Variants in FGF2 observed in about 807,000 individuals in gnomAD.
The protein encoded by FGF2 is fibroblast growth factor 2, also known as basic fibroblast growth factor bFGF.
FGF2 carries 13 observed loss-of-function variants against 15.9 expected under a neutral mutation model. The ratio of observed to expected loss-of-function variants is 0.82; its 90% CI spans 0.53 to 1.30. The LOEUF (loss-of-function observed/expected upper bound fraction) is 1.30. FGF2 is among the 50% of genes most tolerant of loss of function. The pLI, the probability that FGF2 is intolerant of heterozygous loss-of-function variation, is 0.00. For missense variants in FGF2, 163 were observed against 196.9 expected, an observed-to-expected ratio of 0.83 and a Z score of 1.03; for synonymous variants, 90 against 78.4, an observed-to-expected ratio of 1.15 and a Z score of -0.78.
At chr4:122,891,283 G>A (rs145822233) in intron 2 of FGF2, among the ~76,000 whole-genome samples, 2 of 151,694 alleles carry the variant, frequency 1.3e-5, no homozygotes, top group African/African-American at 2.4e-5. Flanking sequence ...CTCGTGATCC[G>A]CCCGTCTCGG....
chr4:122,829,916 C>T (rs1725725642), intron 1 of FGF2, among the ~76,000 whole-genome samples: 1 of 152,136 alleles, frequency 6.6e-6, no homozygotes, highest in East Asian at 1.9e-4. Flanking sequence ...GGAGACCCCC[C>T]AAAACAAATA....
intron 1 of FGF2, among the ~76,000 whole-genome samples, chr4:122,843,863 C>T (rs1726047123): frequency 6.6e-6 from 1 of 152,224 alleles, no homozygotes; most frequent in South Asian, 2.1e-4. Context: ...TAATGATCAT[C>T]TGAGCCTTTA....
chr4:122,836,477 A>C (rs1725868303), intron 1 of FGF2, among the ~76,000 whole-genome samples: 1 of 152,016 alleles, frequency 6.6e-6, no homozygotes, highest in Non-Finnish European at 1.5e-5. Flanking sequence ...ATTCTCTCTA[A>C]TAGCTTGTTG....
At position 122,827,262 on chromosome 4, in the gene FGF2, A is replaced by G. The variant is rs1725661497; in HGVS notation, c.88A>G (p.Lys30Glu). ...CCCGCCCGGCCACTTCAAGGACCCC[A>G]AGCGGCTGTACTGCAAAAACGGGGG... is the stretch of plus-strand genomic sequence containing the variant. ...AFPPGHFKDPKRLYCKNGGFF... is the reference protein window; with the variant it reads ...AFPPGHFKDPERLYCKNGGFF... Residue 30 changes from lysine (K) to glutamate (E), a missense_variant, in exon 1 of 3, where the codon AAG becomes GAG. Lys to Glu is a moderately conservative substitution (Grantham distance 56). Transcript: ENST00000644866. This position sits in a 1 kb window ranked among gnomAD's most constrained non-coding sequence, Gnocchi z 4.2. 6.8e-6 allele frequency: 11 copies of G among 1,612,632 alleles called. No individual in the cohort carries two copies. The highest frequency in any genetic ancestry group is 9.3e-6 in the Non-Finnish European group (11 of 1,179,804).
intron 1 of FGF2, among the ~76,000 whole-genome samples, chr4:122,860,467 T>G (rs888011874): frequency 6.8e-6 from 1 of 146,924 alleles, no homozygotes; most frequent in African/African-American, 2.5e-5. Context: ...TTTTTTTTTT[T>G]TTTTTGAGAC....
chr4:122,840,556 C>T, intron 1 of FGF2: 1 of 157,420 alleles, frequency 6.4e-6, no homozygotes, highest in Non-Finnish European at 1.4e-5. Flanking sequence ...TGTGAAGCTA[C>T]ATTGCTGTGT....
intron 2 of FGF2, chr4:122,882,017 CTCT>C (rs1726968792): frequency 6.6e-6 from 1 of 152,336 alleles, no homozygotes; most frequent in Admixed American, 6.5e-5. Context: ...TGCAGGGGGA[CTCT>C]TCTTTATAAA....
At chr4:122,864,611 C>T (rs1726534144) in intron 1 of FGF2, among the ~76,000 whole-genome samples, 1 of 152,158 alleles carries the variant, frequency 6.6e-6, no homozygotes, top group Non-Finnish European at 1.5e-5. Context: ...TCTCCAAACT[C>T]CCTTTATAAT....
rs1489064276 is a variant in FGF2 at position 122,897,695 on chromosome 4, G to T, written c.*5299G>T. 6.4e-6 allele frequency: 10 copies of T among 1,572,774 alleles called. No individual in the cohort carries two copies. The highest frequency in any genetic ancestry group is 8.8e-6 in the Non-Finnish European group (10 of 1,142,530). Reference sequence around the variant, plus strand: ...ATTTTTCAACTGCAGTATAAAGTCAGAAAATAAAGTTAACATAACTTTCAC... The same window carrying T: ...ATTTTTCAACTGCAGTATAAAGTCATAAAATAAAGTTAACATAACTTTCAC... On this transcript the variant is annotated 3_prime_UTR_variant, in exon 3 of 3. Coordinates refer to ENST00000644866, the MANE Select transcript of FGF2 (RefSeq NM_001361665.2).
At chr4:122,837,410 A>T (rs962050807) in intron 1 of FGF2, among the ~76,000 whole-genome samples, 6 of 152,234 alleles carry the variant, frequency 3.9e-5, no homozygotes, top group Non-Finnish European at 5.9e-5. Flanking sequence ...TTAAAAAATT[A>T]CTTTTGGAAA....
At chr4:122,860,302 C>G (rs2150775681) in intron 1 of FGF2, among the ~76,000 whole-genome samples, 1 of 152,090 alleles carries the variant, frequency 6.6e-6, no homozygotes, top group East Asian at 1.9e-4. Context: ...AAGCAAGTTG[C>G]TGAATTATTT....
At chr4:122,862,972 C>A (rs1246177220) in intron 1 of FGF2, among the ~76,000 whole-genome samples, 1 of 152,162 alleles carries the variant, frequency 6.6e-6, no homozygotes, top group African/African-American at 2.4e-5. Flanking sequence ...TGGGTTAAGT[C>A]AGTGTCTAAA....
intron 1 of FGF2, among the ~76,000 whole-genome samples, chr4:122,851,268 C>A (rs924312939): frequency 4.6e-5 from 7 of 152,124 alleles, no homozygotes; most frequent in African/African-American, 1.7e-4. Flanking sequence ...AATTTACCAA[C>A]CTGTGACCCA....
At chr4:122,849,768 T>C (rs1468168656) in intron 1 of FGF2, among the ~76,000 whole-genome samples, 1 of 152,174 alleles carries the variant, frequency 6.6e-6, no homozygotes, top group African/African-American at 2.4e-5. Flanking sequence ...TTGTGACTGC[T>C]GGCTGGGTAG....
At chr4:122,870,789 T>A (rs1726715170) in intron 1 of FGF2, among the ~76,000 whole-genome samples, 1 of 152,102 alleles carries the variant, frequency 6.6e-6, no homozygotes, top group Non-Finnish European at 1.5e-5. Flanking sequence ...GATTCATTGA[T>A]TTTTTTGTAG....
At chr4:122,836,020 G>T (rs890985169) in intron 1 of FGF2, among the ~76,000 whole-genome samples, 17 of 152,166 alleles carry the variant, frequency 1.1e-4, no homozygotes, top group African/African-American at 4.1e-4. Context: ...ACTTCTTTGT[G>T]AAACTTTCCT....
At chr4:122,838,579 G>A (rs1049812360) in intron 1 of FGF2, among the ~76,000 whole-genome samples, 1 of 152,084 alleles carries the variant, frequency 6.6e-6, no homozygotes, top group Admixed American at 6.5e-5. Flanking sequence ...TAGAATACAA[G>A]TTCATGGCCA....
At chr4:122,869,243 G>C (rs1218835831) in intron 1 of FGF2, among the ~76,000 whole-genome samples, 7 of 152,174 alleles carry the variant, frequency 4.6e-5, no homozygotes, top group African/African-American at 1.7e-4. Context: ...CTGCAGCCTT[G>C]TAGTATAGTT....
intron 1 of FGF2, among the ~76,000 whole-genome samples, chr4:122,830,121 T>A (rs1407383971): frequency 6.6e-6 from 1 of 152,230 alleles, no homozygotes; most frequent in Admixed American, 6.5e-5. Context: ...CCTACATGTT[T>A]TCTAAACTGC....
Sources: allele counts gnomAD v4.1 joint callset (sites outside exome capture counted in the v4.1 genomes callset), GRCh38; gene constraint gnomAD v4.1.1; non-coding constraint Gnocchi (gnomAD v3.1); transcripts MANE v1.5; gene names NCBI Gene and HGNC (gene_info 2026-07-23, HGNC 2026-07-21).